Variants in TBC1D30 observed in about 807,000 individuals in gnomAD.
The protein encoded by TBC1D30 is TBC1 domain family member 30, also known as TBC1 domain family, member 30.
A neutral mutation model predicts 63.2 loss-of-function variants in TBC1D30; 31 were observed. The ratio of observed to expected loss-of-function variants is 0.49; its 90% CI spans 0.37 to 0.66. TBC1D30 has a LOEUF of 0.66. Among genes scored for constraint, TBC1D30 ranks in the 30% least tolerant of loss-of-function variants. The pLI is 0.00. For missense variants in TBC1D30, 810 were observed against 953.6 expected, an observed-to-expected ratio of 0.85 and a Z score of 1.98; for synonymous variants, 307 against 361.5, an observed-to-expected ratio of 0.85 and a Z score of 1.71.
chr12:64,856,417 G>GTGGTTTT (rs1877307606), intron 8 of TBC1D30, among the ~76,000 whole-genome samples: 1 of 152,246 alleles, frequency 6.6e-6, no homozygotes, highest in African/African-American at 2.4e-5. Flanking sequence ...CAATAATGCT[G>GTGGTTTT]TGGTTTTTGC....
intron 8 of TBC1D30, among the ~76,000 whole-genome samples, chr12:64,853,872 G>A (rs1412651345): frequency 6.6e-6 from 1 of 152,180 alleles, no homozygotes; most frequent in Non-Finnish European, 1.5e-5. Context: ...AGTTGGAAAT[G>A]CAGAAATCAC....
chr12:64,836,326 G>A (rs79033159), intron 5 of TBC1D30, among the ~76,000 whole-genome samples, 164 bp from the exon 6 acceptor site: 1,771 of 152,318 alleles, frequency 0.012, 46 homozygotes, highest in African/African-American at 0.04. Flanking sequence ...TAGCCAGGCT[G>A]TAGGAGAGCC....
At position 64,877,732 on chromosome 12, in the gene TBC1D30, C is replaced by T. The variant is rs1342427227; in HGVS notation, c.*1944C>T. The T allele has an allele frequency of 6.6e-6, 1 of 152,256 alleles. No individual in the cohort carries two copies. Among genetic ancestry groups the T allele is most frequent in the Non-Finnish European group, 1.5e-5 (1 of 68,066 alleles). 9.4% of individuals were successfully genotyped at this position (152,256 alleles called of 1,614,324 possible). On this transcript the variant is annotated 3_prime_UTR_variant, in exon 12 of 12. Coordinates refer to ENST00000539867, the MANE Select transcript of TBC1D30 (RefSeq NM_015279.2). ...TTTTCCAAAGTTAAGCAAATGACAC[C>T]ATTTTCTTCCATCAGCTAAACTTTA...
At chr12:64,829,866 C>T (rs974964648) in intron 3 of TBC1D30, among the ~76,000 whole-genome samples, 7 of 152,068 alleles carry the variant, frequency 4.6e-5, no homozygotes, top group African/African-American at 1.7e-4. Context: ...TCCAGTGGCT[C>T]TTTTAAAAAA....
intron 8 of TBC1D30, among the ~76,000 whole-genome samples, chr12:64,848,733 G>T (rs1274410602): frequency 1.3e-5 from 2 of 152,090 alleles, no homozygotes; most frequent in African/African-American, 2.4e-5. Context: ...TGCAGTAAAT[G>T]TAAGTGTGCA....
At chr12:64,865,393 A>G (rs1276441193) in intron 9 of TBC1D30, among the ~76,000 whole-genome samples, 1 of 151,926 alleles carries the variant, frequency 6.6e-6, no homozygotes, top group East Asian at 1.9e-4. Context: ...ATTTAAAAAA[A>G]GGGAAAAAAT....
intron 2 of TBC1D30, among the ~76,000 whole-genome samples, chr12:64,819,631 G>A (rs1434870670): frequency 6.6e-6 from 1 of 151,996 alleles, no homozygotes; most frequent in African/African-American, 2.4e-5. Context: ...TGGCCAGGCT[G>A]GTCAGTCTCC....
chr12:64,790,321 T>C (rs1871845805), intron 2 of TBC1D30, among the ~76,000 whole-genome samples: 1 of 152,176 alleles, frequency 6.6e-6, no homozygotes, highest in Non-Finnish European at 1.5e-5. Context: ...AAGGCACAAT[T>C]AGAAGAATAA....
chr12:64,813,042 C>T (rs182394847), intron 2 of TBC1D30, among the ~76,000 whole-genome samples: 117 of 152,134 alleles, frequency 7.7e-4, no homozygotes, highest in African/African-American at 2.7e-3. Context: ...GGTGACCTGG[C>T]GGCATTGTTG....
intron 10 of TBC1D30, among the ~76,000 whole-genome samples, chr12:64,867,330 C>T (rs12313393): frequency 0.043 from 6,499 of 151,748 alleles, 454 homozygotes; most frequent in African/African-American, 0.15. Flanking sequence ...TGTGGTGGTG[C>T]GTGCCTGTAG....
chr12:64,804,062 A>G, intron 2 of TBC1D30, among the ~76,000 whole-genome samples: 1 of 152,158 alleles, frequency 6.6e-6, no homozygotes, highest in East Asian at 1.9e-4. Flanking sequence ...GATGGCATTG[A>G]ATCTATAAAT....
At chr12:64,823,140 C>G (rs893949338), upstream of TBC1D30, among the ~76,000 whole-genome samples, 1 of 152,034 alleles carries the variant, frequency 6.6e-6, no homozygotes, top group Non-Finnish European at 1.5e-5. Flanking sequence ...CACATATTTT[C>G]TATTACACTG....
chr12:64,781,006 GC>G lies in TBC1D30; in HGVS notation c.201del (p.Gly68AlafsTer15). 1 of 1,039,318 alleles carries G rather than the reference GC, an allele frequency of 9.6e-7. No homozygotes were observed. Among genetic ancestry groups the G allele is most frequent in the East Asian group, 1.1e-4 (1 of 9,110 alleles). The allele number at this position is 1,039,318 out of a possible 1,614,324, so 64.4% of individuals were successfully genotyped here. On this transcript the variant is annotated frameshift_variant, in exon 1 of 13. Transcript: ENST00000542120. LOFTEE classifies it high-confidence loss of function. The stretch of plus-strand genomic sequence containing the variant: ...CGTGGGACGGCGATGAGGACACGGA[GC>G]CCGGCGAGGCGTGCGGCGGCCGCAC...
chr12:64,803,814 T>C (rs1872716923), intron 2 of TBC1D30, among the ~76,000 whole-genome samples: 1 of 152,198 alleles, frequency 6.6e-6, no homozygotes, highest in South Asian at 2.1e-4. Flanking sequence ...GTTGTAGATG[T>C]GTGGTATCAT....
At chr12:64,783,405 A>G (rs11175551) in intron 1 of TBC1D30, among the ~76,000 whole-genome samples, 6,216 of 152,270 alleles carry the variant, frequency 0.041, 405 homozygotes, top group African/African-American at 0.14. Context: ...CTGTGGTGAG[A>G]ATTACATAAG....
At chr12:64,840,807 G>C (rs1440264108) in intron 7 of TBC1D30, among the ~76,000 whole-genome samples, 1 of 152,172 alleles carries the variant, frequency 6.6e-6, no homozygotes, top group Non-Finnish European at 1.5e-5. Context: ...GGGGATATAT[G>C]AATCAGAATG....
At chr12:64,818,440 A>T (rs1239814451) in intron 2 of TBC1D30, 6 of 813,482 alleles carry the variant, frequency 7.4e-6, no homozygotes, top group African/African-American at 1.9e-5. Context: ...ACTGTAAACT[A>T]TTTTTTTTTT....
intron 1 of TBC1D30, among the ~76,000 whole-genome samples, chr12:64,764,384 C>A (rs972207075): frequency 2.0e-5 from 3 of 152,134 alleles, no homozygotes; most frequent in Admixed American, 1.3e-4. Flanking sequence ...ATTATAGGAA[C>A]AATAGTACTT....
rs927652909 is a variant in TBC1D30 at position 64,880,429 on chromosome 12, C to T, written c.*4641C>T. ...GCTGAGAAGTCAAAGATCAACGTGT[C>T]TGCAAATTTGGTATCTGGTGAGGAA... On this transcript the variant is annotated 3_prime_UTR_variant, in exon 12 of 12. Coordinates refer to ENST00000539867, the MANE Select transcript of TBC1D30 (RefSeq NM_015279.2). 1 of 152,308 alleles carries T rather than the reference C, an allele frequency of 6.6e-6. No homozygotes were observed. The highest frequency in any genetic ancestry group is 1.5e-5 in the Non-Finnish European group (1 of 68,114). The allele number at this position is 152,308 out of a possible 1,614,324, so 9.4% of individuals were successfully genotyped here.
Sources: gnomAD v4.1 joint callset for allele counts (sites outside exome capture counted in the v4.1 genomes callset) on GRCh38, gnomAD v4.1.1 for gene constraint, MANE v1.5 for transcripts, NCBI Gene and HGNC (gene_info 2026-07-23, HGNC 2026-07-21) for gene names.